The following GRID1 variants were observed in gnomAD, a reference collection of about 807,000 sequenced individuals.
The protein encoded by GRID1 is glutamate receptor ionotropic, delta-1.
GRID1 carries 28 observed loss-of-function variants against 98.0 expected under a neutral mutation model. That is an observed-to-expected ratio of 0.29 (90% confidence interval 0.21 to 0.39). GRID1 has a LOEUF of 0.39. GRID1 is among the 10% of genes least tolerant of loss of function. The probability of loss-of-function intolerance (pLI) is 1.00; values close to 1 mark genes in which losing one functional copy is unlikely to be tolerated. For synonymous variants in GRID1, 553 were observed against 538.5 expected (o/e 1.03, Z -0.37); for missense variants, 1,111 against 1,340.5 (o/e 0.83, Z 2.67).
At chr10:86,197,306 G>C (rs1845889094) in intron 3 of GRID1, among the ~76,000 whole-genome samples, 1 of 152,152 alleles carries the variant, frequency 6.6e-6, no homozygotes, top group Admixed American at 6.5e-5. Flanking sequence ...AGCCTCTGCA[G>C]CAGGTTGTGC....
intron 6 of GRID1, among the ~76,000 whole-genome samples, chr10:85,860,074 C>T (rs954394393): frequency 3.9e-5 from 6 of 152,168 alleles, no homozygotes; most frequent in African/African-American, 1.2e-4. Flanking sequence ...GATGCTCACT[C>T]GTCATTGACC....
At chr10:85,700,709 T>A (rs888944824) in intron 12 of GRID1, among the ~76,000 whole-genome samples, 6 of 152,046 alleles carry the variant, frequency 3.9e-5, no homozygotes, top group African/African-American at 1.4e-4. Flanking sequence ...AATGAGATAT[T>A]CCCTCCTCAA....
At chr10:85,866,098 CT>C (rs1392609354) in intron 6 of GRID1, among the ~76,000 whole-genome samples, 1 of 149,446 alleles carries the variant, frequency 6.7e-6, no homozygotes, top group African/African-American at 2.5e-5. Context: ...GTCTTGTGGC[CT>C]TGTATAAAGA....
intron 13 of GRID1, among the ~76,000 whole-genome samples, chr10:85,639,270 C>A (rs1843086109): frequency 6.6e-6 from 1 of 152,154 alleles, no homozygotes; most frequent in Non-Finnish European, 1.5e-5. Flanking sequence ...ATGCACAACT[C>A]CATGAGTAAA....
intron 8 of GRID1, among the ~76,000 whole-genome samples, chr10:85,775,897 A>G (rs1842326405): frequency 6.6e-6 from 1 of 152,186 alleles, no homozygotes; most frequent in African/African-American, 2.4e-5. Context: ...GACTTTCACT[A>G]TATAATAGTT....
At chr10:86,000,148 A>G (rs1435208658) in intron 4 of GRID1, among the ~76,000 whole-genome samples, 1 of 152,242 alleles carries the variant, frequency 6.6e-6, no homozygotes, top group East Asian at 1.9e-4. Flanking sequence ...AAGATCATAC[A>G]CAAAACTCAG....
At chr10:86,178,310 A>G (rs1230317474) in intron 3 of GRID1, among the ~76,000 whole-genome samples, 1 of 152,162 alleles carries the variant, frequency 6.6e-6, no homozygotes, top group Admixed American at 6.5e-5. Context: ...TTTTGGACAC[A>G]GCCCCAAACC....
chr10:86,074,632 C>T (rs1843854907), intron 4 of GRID1, among the ~76,000 whole-genome samples: 1 of 152,194 alleles, frequency 6.6e-6, no homozygotes, highest in Non-Finnish European at 1.5e-5. Flanking sequence ...CACATCTTTG[C>T]TATTGTGAAC....
intron 2 of GRID1, among the ~76,000 whole-genome samples, chr10:86,295,635 A>G (rs1453201151): frequency 6.6e-6 from 1 of 152,140 alleles, no homozygotes; most frequent in Non-Finnish European, 1.5e-5. Flanking sequence ...GAGAAACGCG[A>G]TATGACGGCC....
chr10:86,190,632 C>T (rs1845788615), intron 3 of GRID1, among the ~76,000 whole-genome samples: 1 of 152,244 alleles, frequency 6.6e-6, no homozygotes, highest in Admixed American at 6.5e-5. Context: ...CCCTTCCCTG[C>T]ACAAGCCAGG....
intron 8 of GRID1, among the ~76,000 whole-genome samples, chr10:85,766,027 A>G (rs1165392447): frequency 2.6e-5 from 4 of 152,240 alleles, no homozygotes; most frequent in Non-Finnish European, 5.9e-5. Flanking sequence ...AGAGGTGCAC[A>G]GGTGAGGTTG....
At chr10:86,261,767 G>GCACA (rs202120379) in intron 2 of GRID1, among the ~76,000 whole-genome samples, 1 of 148,362 alleles carries the variant, frequency 6.7e-6, no homozygotes, top group African/African-American at 2.4e-5. Flanking sequence ...CATTGAGGTG[G>GCACA]CACACACACA....
At chr10:86,080,168 T>C (rs1343182218) in intron 4 of GRID1, among the ~76,000 whole-genome samples, 2 of 151,812 alleles carry the variant, frequency 1.3e-5, no homozygotes, top group African/African-American at 4.8e-5. Context: ...ACCCCGTCTC[T>C]ACTAAAAATA....
At chr10:86,243,707 G>C (rs562379902) in intron 2 of GRID1, among the ~76,000 whole-genome samples, 30 of 152,174 alleles carry the variant, frequency 2.0e-4, no homozygotes, top group Non-Finnish European at 4.3e-4. Context: ...GGAAATCAAG[G>C]CCTGGAAATG....
intron 2 of GRID1, among the ~76,000 whole-genome samples, chr10:86,261,855 T>C (rs913743405): frequency 2.0e-5 from 3 of 152,196 alleles, no homozygotes; most frequent in Non-Finnish European, 2.9e-5. Context: ...CAAGGCTTCA[T>C]TGCTTACCAT....
intron 2 of GRID1, among the ~76,000 whole-genome samples, chr10:86,294,044 G>A (rs1847552783): frequency 6.6e-6 from 1 of 152,196 alleles, no homozygotes; most frequent in East Asian, 1.9e-4. Flanking sequence ...ACTGTTATGG[G>A]TAAAACTAAA....
At chr10:86,318,055 T>C (rs1028552702) in intron 2 of GRID1, among the ~76,000 whole-genome samples, 5 of 151,886 alleles carry the variant, frequency 3.3e-5, no homozygotes, top group African/African-American at 1.2e-4. Context: ...TCCTTTGACT[T>C]ATATAGACTG....
intron 5 of GRID1, among the ~76,000 whole-genome samples, chr10:85,880,798 A>G (rs1840996121): frequency 6.6e-6 from 1 of 152,158 alleles, no homozygotes; most frequent in African/African-American, 2.4e-5. Context: ...GAAGGAAATA[A>G]AGGGTATTCA....
At chr10:85,838,074 T>C (rs1004630175) in intron 8 of GRID1, among the ~76,000 whole-genome samples, 3 of 152,166 alleles carry the variant, frequency 2.0e-5, no homozygotes, top group African/African-American at 7.2e-5. Flanking sequence ...GTCTAAAGAC[T>C]GCCTTTCTGA....
Sources: allele counts gnomAD v4.1 joint callset (sites outside exome capture counted in the v4.1 genomes callset), GRCh38; gene constraint gnomAD v4.1.1; transcripts MANE v1.5; gene names NCBI Gene and HGNC (gene_info 2026-07-23, HGNC 2026-07-21).